Variants in MIPEP observed in about 807,000 individuals in gnomAD.
MIPEP encodes the protein mitochondrial intermediate peptidase.
Under a neutral mutation model 90.3 loss-of-function variants are expected in MIPEP, and 79 were observed. The observed-to-expected ratio is 0.87, with a 90% CI of 0.73 to 1.05. The LOEUF (loss-of-function observed/expected upper bound fraction) is 1.05. MIPEP is among the 50% of genes least tolerant of loss of function. The pLI, the probability that MIPEP is intolerant of heterozygous loss-of-function variation, is 0.00. For synonymous variants in MIPEP, 334 were observed against 315.8 expected, an observed-to-expected ratio of 1.06 and a Z score of -0.61; for missense variants, 940 against 905.6, an observed-to-expected ratio of 1.04 and a Z score of -0.49.
chr13:23,855,136 T>C (rs991733334), intron 10 of MIPEP, among the ~76,000 whole-genome samples: 3 of 152,194 alleles, frequency 2.0e-5, no homozygotes, highest in Non-Finnish European at 4.4e-5. Context: ...TGTGAATGTA[T>C]TGCCTAATCA....
intron 16 of MIPEP, among the ~76,000 whole-genome samples, chr13:23,764,987 T>C (rs563762046): frequency 6.6e-6 from 1 of 152,340 alleles, no homozygotes; most frequent in African/African-American, 2.4e-5. Context: ...ACAACACAAG[T>C]GGATCCACTT....
In MIPEP at chr13:23,841,461, G is replaced by A. The variant is rs770415925; in HGVS notation, c.1134C>T (p.Cys378=). 9.9e-6 allele frequency: 16 copies of A among 1,613,518 alleles called. No homozygotes were observed. Among genetic ancestry groups the A allele is most frequent in the African/African-American group, 4.0e-5 (3 of 74,874 alleles). ...ERYNIEPSLY[C]PFFSLGACME... ...TGCATGCTCCAAGAGAGAAAAACGG[G>A]CAATATAGGCTGGGCTCAATATTAT... The change falls in exon 11 of 19, where the codon TGC becomes TGT. Residue 378 remains cysteine, a synonymous_variant. Coordinates refer to ENST00000382172, the MANE Select transcript of MIPEP (RefSeq NM_005932.4).
intron 16 of MIPEP, among the ~76,000 whole-genome samples, chr13:23,784,231 C>T (rs1030629288): frequency 1.3e-5 from 2 of 152,144 alleles, no homozygotes; most frequent in African/African-American, 4.8e-5. Flanking sequence ...TACCTGACTT[C>T]AAACTATACT....
At chr13:23,758,941 G>A (rs1212774915) in intron 17 of MIPEP, among the ~76,000 whole-genome samples, 4 of 152,144 alleles carry the variant, frequency 2.6e-5, no homozygotes, top group South Asian at 2.1e-4. Context: ...CTTATAAAAC[G>A]TGCTGGTTTC....
At position 23,795,174 on chromosome 13, in the gene MIPEP, A is replaced by G. The variant is rs917196851; in HGVS notation, c.1848+10776T>C. Among the ~76,000 whole-genome samples the G allele has an allele frequency of 7.9e-5, 12 of 152,168 alleles. No homozygotes were observed. The East Asian group carries it at 1.7e-3, about 22-fold the overall frequency. ...TTTCCATTTGCAGGAGAGCTGGGGC[A>G]TAAGAATAGGAGGAAACTTCTTCCC... is the stretch of plus-strand genomic sequence containing the variant. On this transcript the variant is annotated intron_variant, in intron 16 of 18. Coordinates refer to ENST00000382172, the MANE Select transcript of MIPEP (RefSeq NM_005932.4).
At chr13:23,849,022 G>A (rs1489304110) in intron 10 of MIPEP, among the ~76,000 whole-genome samples, 3 of 152,156 alleles carry the variant, frequency 2.0e-5, no homozygotes, top group Non-Finnish European at 1.5e-5. Flanking sequence ...CTCAGCTCAC[G>A]TCTTCAACAC....
chr13:23,870,525 C>T (rs2137518564), intron 5 of MIPEP, among the ~76,000 whole-genome samples: 1 of 152,170 alleles, frequency 6.6e-6, no homozygotes. Flanking sequence ...AAAACACATG[C>T]CAGGTGCAGT....
chr13:23,787,409 AGAGAG>A (rs1952856946), intron 16 of MIPEP, among the ~76,000 whole-genome samples: 2 of 111,994 alleles, frequency 1.8e-5, no homozygotes, highest in South Asian at 3.6e-4. Context: ...GGAGAGGGAG[AGAGAG>A]AGAGAGAGAG....
chr13:23,889,002 A>G, intron 1 of MIPEP, 130 bp downstream of exon 1: 1 of 864,168 alleles, frequency 1.2e-6, no homozygotes, highest in Non-Finnish European at 1.6e-6. Context: ...ACAAGACGCC[A>G]CTGTAAAAGG....
intron 18 of MIPEP, among the ~76,000 whole-genome samples, chr13:23,732,713 C>T (rs1952219535): frequency 6.6e-6 from 1 of 152,128 alleles, no homozygotes; most frequent in African/African-American, 2.4e-5. Flanking sequence ...AAAAGTTAGT[C>T]AAACCAATCT....
At chr13:23,819,328 T>C (rs1179846021) in intron 14 of MIPEP, among the ~76,000 whole-genome samples, 1 of 152,192 alleles carries the variant, frequency 6.6e-6, no homozygotes, top group Non-Finnish European at 1.5e-5. Context: ...CCTGAGTCAG[T>C]GTCATATGGA....
chr13:23,827,800 C>T (rs140649333), intron 14 of MIPEP, among the ~76,000 whole-genome samples: 15 of 152,218 alleles, frequency 9.9e-5, no homozygotes, highest in Admixed American at 2.0e-4. Flanking sequence ...TGTGTGGTGG[C>T]ACACGCTGTA....
intron 16 of MIPEP, 125 bp from the exon 17 acceptor site, chr13:23,760,342 A>G (rs1306321084): frequency 8.3e-7 from 1 of 1,212,048 alleles, no homozygotes; most frequent in African/African-American, 1.5e-5. Flanking sequence ...TTTACCCTAG[A>G]AGGCTACGTC....
intron 16 of MIPEP, among the ~76,000 whole-genome samples, chr13:23,771,227 G>C (rs1952647067): frequency 6.6e-6 from 1 of 152,178 alleles, no homozygotes; most frequent in Non-Finnish European, 1.5e-5. Context: ...GGAGAGAAGG[G>C]AAGGGAAAAG....
intron 14 of MIPEP, among the ~76,000 whole-genome samples, chr13:23,817,608 C>G (rs1051115562): frequency 1.3e-5 from 2 of 152,074 alleles, no homozygotes; most frequent in African/African-American, 4.8e-5. Flanking sequence ...AACAATAAAA[C>G]ATCATCCTTT....
intron 18 of MIPEP, among the ~76,000 whole-genome samples, chr13:23,735,636 C>T (rs561973122): frequency 6.6e-6 from 1 of 152,258 alleles, no homozygotes; most frequent in East Asian, 1.9e-4. Flanking sequence ...CACAGAATGG[C>T]AACTGTGGCC....
Position 23,826,896 on chromosome 13 carries a change from G to A in MIPEP, c.1653+9344C>T, listed in dbSNP as rs892842522. Among the ~76,000 whole-genome samples, 10 of 152,178 alleles carry A rather than the reference G, an allele frequency of 6.6e-5. 1 individual carries two copies. The highest frequency in any genetic ancestry group is 1.2e-4 in the Non-Finnish European group (8 of 68,036). On this transcript the variant is annotated intron_variant, in intron 14 of 18. Transcript: ENST00000382172. Reference sequence around the variant, plus strand: ...CATTCATGGATTCAATCAACCATGAGTCAAAAATATTTGGAAAAAAACTGC... The same window carrying A: ...CATTCATGGATTCAATCAACCATGAATCAAAAATATTTGGAAAAAAACTGC...
intron 9 of MIPEP, among the ~76,000 whole-genome samples, chr13:23,859,382 T>C (rs1013439886): frequency 4.6e-5 from 7 of 152,196 alleles, no homozygotes; most frequent in Non-Finnish European, 1.0e-4. Context: ...CAAGGCAGAA[T>C]TAACTCTAAT....
intron 15 of MIPEP, among the ~76,000 whole-genome samples, chr13:23,809,340 G>A (rs1388792122): frequency 4.0e-5 from 6 of 148,892 alleles, no homozygotes; most frequent in Admixed American, 6.7e-5. Context: ...AACTGAAAAC[G>A]GGAAATAGTC....
Sources: gnomAD v4.1 joint callset for allele counts (sites outside exome capture counted in the v4.1 genomes callset) on GRCh38, gnomAD v4.1.1 for gene constraint, MANE v1.5 for transcripts, NCBI Gene and HGNC (gene_info 2026-07-23, HGNC 2026-07-21) for gene names.